Variants in LUZP1 observed in about 807,000 individuals in gnomAD.
LUZP1 encodes leucine zipper protein 1.
Under a neutral mutation model 71.3 loss-of-function variants are expected in LUZP1, and 25 were observed. That is an observed-to-expected ratio of 0.35 (90% CI 0.26 to 0.49). The LOEUF (loss-of-function observed/expected upper bound fraction) is 0.49, where lower values mean the gene tolerates loss of function less well. LUZP1 is among the 20% of genes least tolerant of loss of function. LUZP1 has a pLI of 0.99. For missense variants in LUZP1, 1,142 were observed against 1,300.8 expected, an observed-to-expected ratio of 0.88 and a Z score of 1.88; for synonymous variants, 481 against 506.4, an observed-to-expected ratio of 0.95 and a Z score of 0.67.
In LUZP1 at chr1:23,093,976, G is replaced by C; in HGVS notation, c.286C>G (p.Leu96Val). ...CGGGTGAGGTTTTCTTCCTCTTCAA[G>C]TTTCTCCTTCATCAGACGACACAGA... Residue 96 changes from leucine to valine, a missense_variant, in exon 4 of 5, where the codon CTT becomes GTT. Coordinates refer to ENST00000302291, the Ensembl canonical transcript of LUZP1. The surrounding 1 kb of genome is among the most constrained non-coding windows in gnomAD (Gnocchi z 4.2). 3.1e-6 allele frequency: 5 copies of C among 1,614,152 alleles called. No homozygotes were observed. Among genetic ancestry groups the C allele is most frequent in the Non-Finnish European group, 4.2e-6 (5 of 1,180,032 alleles).
intron 1 of LUZP1, among the ~76,000 whole-genome samples, chr1:23,173,567 G>A (rs1242064399): frequency 4.0e-5 from 6 of 151,764 alleles, no homozygotes; most frequent in African/African-American, 1.2e-4. Context: ...ATGCTGCCCA[G>A]GCTGGTCTCC....
intron 1 of LUZP1, among the ~76,000 whole-genome samples, chr1:23,172,835 T>A (rs1410046702): frequency 5.9e-5 from 9 of 151,706 alleles, no homozygotes; most frequent in Admixed American, 3.3e-4. Context: ...TTATTTATTT[T>A]TATTTTTATT....
intron 2 of LUZP1, among the ~76,000 whole-genome samples, chr1:23,158,978 A>T (rs1644443814): frequency 6.6e-6 from 1 of 151,664 alleles, no homozygotes; most frequent in Non-Finnish European, 1.5e-5. Context: ...GTAAGAGAAG[A>T]AGTAATCTCA....
At chr1:23,152,634 G>A (rs1277468855) in intron 2 of LUZP1, among the ~76,000 whole-genome samples, 2 of 152,036 alleles carry the variant, frequency 1.3e-5, no homozygotes, top group African/African-American at 2.4e-5. Context: ...GGGTTCAAGC[G>A]ATTCTCCTGC....
intron 2 of LUZP1, among the ~76,000 whole-genome samples, chr1:23,159,900 C>T (rs1166401710): frequency 2.0e-5 from 3 of 152,132 alleles, no homozygotes; most frequent in South Asian, 2.1e-4. Context: ...ACAGAAGAAT[C>T]GCTTGAACCC....
At chr1:23,095,019 G>A (rs755511851) in intron 3 of LUZP1, among the ~76,000 whole-genome samples, 7 of 152,082 alleles carry the variant, frequency 4.6e-5, no homozygotes, top group Non-Finnish European at 8.8e-5. Flanking sequence ...GAGTTGGCCC[G>A]ACCCAGCCAA....
intron 2 of LUZP1, among the ~76,000 whole-genome samples, chr1:23,167,110 G>C (rs138940329): frequency 6.6e-6 from 1 of 152,054 alleles, no homozygotes. Context: ...ATTTTCTATG[G>C]GGGTAATTCA....
At chr1:23,124,435 G>T (rs1241610257) in intron 2 of LUZP1, among the ~76,000 whole-genome samples, 2 of 152,146 alleles carry the variant, frequency 1.3e-5, no homozygotes, top group Non-Finnish European at 2.9e-5. Context: ...GTAGGCAAAA[G>T]AAAGTAAACA....
rs1644281835 is a variant in LUZP1 at position 23,139,022 on chromosome 1, ATAT to A, written c.-226+29741_-226+29743del. On this transcript the variant is annotated intron_variant, in intron 2 of 4. Coordinates refer to ENST00000302291, the Ensembl canonical transcript of LUZP1. ...CAAAAAAAAAAAAAAAAAAAAAAATATATATATATATATATATATATATACACA... is the reference window on the plus strand; with the variant it reads ...CAAAAAAAAAAAAAAAAAAAAAAATAATATATATATATATATATATACACA... Among the ~76,000 whole-genome samples the A allele has an allele frequency of 3.8e-3, 359 of 94,068 alleles. 5 individuals carry two copies. Among genetic ancestry groups the A allele is most frequent in the East Asian group, 5.9e-3 (18 of 3,038 alleles). The allele number at this position is 94,068 out of a possible 152,430, so 61.7% of individuals were successfully genotyped here. A position where few individuals can be genotyped will look rare whatever the true frequency, so the allele number is the denominator to read the frequency against.
At chr1:23,139,158 A>C (rs1644284245) in intron 2 of LUZP1, among the ~76,000 whole-genome samples, 1 of 148,898 alleles carries the variant, frequency 6.7e-6, no homozygotes, top group South Asian at 2.2e-4. Flanking sequence ...CGTACTTCCC[A>C]CTCATTTCCC....
chr1:23,120,815 A>C (rs1195838783), intron 2 of LUZP1, among the ~76,000 whole-genome samples: 1 of 152,220 alleles, frequency 6.6e-6, no homozygotes, highest in African/African-American at 2.4e-5. Flanking sequence ...ACCTAAGGCA[A>C]GCTGATATCA....
At chr1:23,110,001 A>T (rs1252134758) in intron 2 of LUZP1, among the ~76,000 whole-genome samples, 1 of 152,222 alleles carries the variant, frequency 6.6e-6, no homozygotes, top group East Asian at 1.9e-4. Flanking sequence ...ACTATGCTTT[A>T]TGTTTTATAT....
intron 4 of LUZP1, chr1:23,090,679 C>T (rs1643838146): frequency 3.3e-6 from 2 of 601,122 alleles, no homozygotes; most frequent in South Asian, 4.0e-5. Flanking sequence ...AAAATAGGCC[C>T]AGTGTAAGCC....
intron 3 of LUZP1, among the ~76,000 whole-genome samples, chr1:23,108,537 C>T (rs1205141609): frequency 6.6e-6 from 1 of 152,180 alleles, no homozygotes; most frequent in Admixed American, 6.5e-5. Flanking sequence ...GAAGTCAAGG[C>T]TGCAGTGAGC....
intron 2 of LUZP1, among the ~76,000 whole-genome samples, chr1:23,145,911 A>G (rs566447867): frequency 2.4e-4 from 37 of 152,238 alleles, no homozygotes; most frequent in Non-Finnish European, 7.3e-5. Flanking sequence ...TATTACTCAA[A>G]TATACTTATG....
chr1:23,154,280 A>G (rs1291164161), intron 2 of LUZP1, among the ~76,000 whole-genome samples: 3 of 152,044 alleles, frequency 2.0e-5, no homozygotes, highest in Non-Finnish European at 4.4e-5. Context: ...GTCAAAACTC[A>G]CAGAACTTTG....
At chr1:23,086,284 G>A (rs2124572667) in exon 5 of LUZP1, 1 of 152,754 alleles carries the variant, frequency 6.5e-6, no homozygotes, top group African/African-American at 2.4e-5. Flanking sequence ...CTGCAATGCT[G>A]AGGACACTTA....
At chr1:23,138,271 A>C (rs184578686) in intron 2 of LUZP1, among the ~76,000 whole-genome samples, 39 of 152,042 alleles carry the variant, frequency 2.6e-4, no homozygotes, top group Non-Finnish European at 2.9e-5. Flanking sequence ...ACCGCACCCG[A>C]CCACAAAATG....
chr1:23,165,895 A>G (rs1644505721), intron 2 of LUZP1, among the ~76,000 whole-genome samples: 1 of 152,108 alleles, frequency 6.6e-6, no homozygotes, highest in Non-Finnish European at 1.5e-5. Flanking sequence ...TTAGCTATCC[A>G]TCAACTTCCA....
Sources: allele counts gnomAD v4.1 joint callset (sites outside exome capture counted in the v4.1 genomes callset), GRCh38; gene constraint gnomAD v4.1.1; non-coding constraint Gnocchi (gnomAD v3.1); transcripts MANE v1.5; gene names NCBI Gene and HGNC (gene_info 2026-07-23, HGNC 2026-07-21).